Variants in AUH observed in about 807,000 individuals in gnomAD.
AUH encodes methylglutaconyl-CoA hydratase, mitochondrial.
Under a neutral mutation model 42.3 loss-of-function variants are expected in AUH, and 29 were observed. That is an observed-to-expected ratio of 0.69 (90% CI 0.51 to 0.93). The LOEUF (loss-of-function observed/expected upper bound fraction) is 0.93, where lower values mean the gene tolerates loss of function less well. AUH is among the 40% of genes least tolerant of loss of function. The probability of loss-of-function intolerance (pLI) is 0.00; values close to 1 mark genes in which losing one functional copy is unlikely to be tolerated. For synonymous variants in AUH, 174 were observed against 166.4 expected (o/e 1.05, Z -0.35); for missense variants, 452 against 438.1 (o/e 1.03, Z -0.28).
chr9:91,223,146 G>C (rs917569666), intron 6 of AUH, among the ~76,000 whole-genome samples: 4 of 152,198 alleles, frequency 2.6e-5, no homozygotes, highest in African/African-American at 9.7e-5. Context: ...GTGGAGGCTA[G>C]AGGTATGGTG....
intron 6 of AUH, among the ~76,000 whole-genome samples, chr9:91,224,918 T>A (rs1292975862): frequency 4.6e-5 from 7 of 152,176 alleles, no homozygotes; most frequent in African/African-American, 1.7e-4. Context: ...CTTTCTCAAT[T>A]ACTAATGATA....
At chr9:91,332,043 C>T (rs1374566739) in intron 3 of AUH, among the ~76,000 whole-genome samples, 3 of 152,168 alleles carry the variant, frequency 2.0e-5, no homozygotes, top group African/African-American at 7.2e-5. Context: ...CATTTTTATG[C>T]TGACATTTGA....
intron 4 of AUH, among the ~76,000 whole-genome samples, chr9:91,314,196 T>A (rs1828961498): frequency 6.6e-6 from 1 of 152,076 alleles, no homozygotes; most frequent in Non-Finnish European, 1.5e-5. Flanking sequence ...AAGAAAAGTT[T>A]TAATGTCAAA....
intron 3 of AUH, among the ~76,000 whole-genome samples, chr9:91,351,649 C>T (rs1831996611): frequency 6.6e-6 from 1 of 152,154 alleles, no homozygotes; most frequent in Admixed American, 6.5e-5. Context: ...TGAGCACAGG[C>T]AAGGGAGCAT....
At chr9:91,238,689 G>A (rs143023839) in intron 6 of AUH, among the ~76,000 whole-genome samples, 91 of 152,264 alleles carry the variant, frequency 6.0e-4, no homozygotes, top group African/African-American at 2.0e-3. Flanking sequence ...AAGACATCAA[G>A]AATTTTTCTC....
intron 6 of AUH, among the ~76,000 whole-genome samples, chr9:91,295,770 C>G (rs1308993748): frequency 1.3e-5 from 2 of 152,174 alleles, no homozygotes; most frequent in South Asian, 2.1e-4. Flanking sequence ...ATAGTGTAAA[C>G]ATAACTTTTA....
At chr9:91,224,810 A>C (rs940871202) in intron 6 of AUH, among the ~76,000 whole-genome samples, 12 of 152,168 alleles carry the variant, frequency 7.9e-5, no homozygotes, top group Non-Finnish European at 1.6e-4. Flanking sequence ...ATATTTTTAC[A>C]TGTGTGAAAC....
chr9:91,350,586 C>A (rs915810524), intron 3 of AUH, among the ~76,000 whole-genome samples: 1 of 151,942 alleles, frequency 6.6e-6, no homozygotes, highest in Admixed American at 6.6e-5. Flanking sequence ...TGGTGAAACC[C>A]CGTCTCTACT....
At chr9:91,253,667 G>A (rs1434143203) in intron 6 of AUH, among the ~76,000 whole-genome samples, 1 of 152,188 alleles carries the variant, frequency 6.6e-6, no homozygotes, top group Non-Finnish European at 1.5e-5. Flanking sequence ...TATCTAGAGA[G>A]CTAAGGACTG....
intron 6 of AUH, 104 bp from the exon 7 acceptor site, chr9:91,221,096 T>C: frequency 3.1e-6 from 4 of 1,297,414 alleles, no homozygotes; most frequent in Non-Finnish European, 4.4e-6. Flanking sequence ...GGGCCAGAAG[T>C]TTATATGTTA....
chr9:91,302,227 G>C (rs1314351013), intron 4 of AUH, among the ~76,000 whole-genome samples: 3 of 151,954 alleles, frequency 2.0e-5, no homozygotes, highest in Non-Finnish European at 4.4e-5. Flanking sequence ...CAGCACTTTG[G>C]GAGTCCAAGG....
At chr9:91,214,462 TA>T (rs1451767968) in intron 9 of AUH, 37 bp from the exon 10 acceptor site, 4 of 1,514,946 alleles carry the variant, frequency 2.6e-6, no homozygotes, top group Non-Finnish European at 3.6e-6. Context: ...TCAAAAATGT[TA>T]AAACAACTGT....
intron 4 of AUH, among the ~76,000 whole-genome samples, chr9:91,313,681 C>T (rs1419153687): frequency 1.1e-4 from 15 of 132,802 alleles, no homozygotes; most frequent in African/African-American, 2.9e-4. Flanking sequence ...GTCCGCAGTC[C>T]GGCCTGGGCG....
intron 4 of AUH, among the ~76,000 whole-genome samples, chr9:91,310,141 C>T (rs940832247): frequency 2.0e-5 from 3 of 152,170 alleles, no homozygotes; most frequent in African/African-American, 7.2e-5. Flanking sequence ...CCCAATCTAG[C>T]AAAGGATCAG....
chr9:91,299,059 A>G (rs1444464836), intron 4 of AUH, among the ~76,000 whole-genome samples: 1 of 152,142 alleles, frequency 6.6e-6, no homozygotes. Flanking sequence ...TCTCTACAAA[A>G]ATACAAAAAT....
intron 4 of AUH, among the ~76,000 whole-genome samples, chr9:91,320,805 A>G (rs908564386): frequency 2.6e-5 from 4 of 152,222 alleles, no homozygotes; most frequent in African/African-American, 4.8e-5. Flanking sequence ...TCTTGTGTTC[A>G]TGAGAATACA....
chr9:91,297,369 CACCT>C (rs146067314), intron 5 of AUH, among the ~76,000 whole-genome samples: 3,830 of 152,276 alleles, frequency 0.025, 76 homozygotes, highest in East Asian at 0.066. Context: ...TTTTTCTATT[CACCT>C]CATAAGATCC....
intron 4 of AUH, among the ~76,000 whole-genome samples, chr9:91,313,319 C>T (rs1205185820): frequency 6.6e-6 from 1 of 152,184 alleles, no homozygotes; most frequent in African/African-American, 2.4e-5. Context: ...CAGTACAATG[C>T]AGGATCCTCC....
chr9:91,353,469 A>T (rs950487796), intron 3 of AUH, among the ~76,000 whole-genome samples: 3 of 152,212 alleles, frequency 2.0e-5, no homozygotes, highest in African/African-American at 7.2e-5. Flanking sequence ...AATAACTGAT[A>T]AATGTGGCCT....
Sources: gnomAD v4.1 joint callset for allele counts (sites outside exome capture counted in the v4.1 genomes callset) on GRCh38, gnomAD v4.1.1 for gene constraint, MANE v1.5 for transcripts, NCBI Gene and HGNC (gene_info 2026-07-23, HGNC 2026-07-21) for gene names.